The following DLG2 variants were observed in gnomAD, a reference collection of about 807,000 sequenced individuals.
DLG2 encodes the protein disks large homolog 2.
A neutral mutation model predicts 132.5 loss-of-function variants in DLG2; 45 were observed. That is an observed-to-expected ratio of 0.34 (90% CI 0.27 to 0.44). The LOEUF (loss-of-function observed/expected upper bound fraction) is 0.44. Among genes scored for constraint, DLG2 ranks in the 20% least tolerant of loss-of-function variants. The pLI, the probability that DLG2 is intolerant of heterozygous loss-of-function variation, is 1.00. For synonymous variants in DLG2, 424 were observed against 419.6 expected (o/e 1.01, Z -0.13); for missense variants, 1,045 against 1,196.9 (o/e 0.87, Z 1.87).
chr11:84,579,013 C>A (rs1346853012), intron 6 of DLG2, among the ~76,000 whole-genome samples: 1 of 152,270 alleles, frequency 6.6e-6, no homozygotes, highest in East Asian at 1.9e-4. Flanking sequence ...TTACTTCTTT[C>A]CCATTTTTCT....
At chr11:84,328,370 A>G (rs2098443156) in intron 7 of DLG2, among the ~76,000 whole-genome samples, 4 of 152,126 alleles carry the variant, frequency 2.6e-5, no homozygotes, top group Non-Finnish European at 5.9e-5. Flanking sequence ...GAGGAAATAC[A>G]TCTCTTTAAA....
chr11:84,552,759 G>C (rs533158973), intron 6 of DLG2, among the ~76,000 whole-genome samples: 2 of 152,094 alleles, frequency 1.3e-5, no homozygotes, highest in African/African-American at 4.8e-5. Flanking sequence ...CCTAGTAACT[G>C]GTTTCCTTAT....
At chr11:84,902,530 C>A (rs1164870138) in intron 6 of DLG2, among the ~76,000 whole-genome samples, 1 of 152,172 alleles carries the variant, frequency 6.6e-6, no homozygotes, top group Non-Finnish European at 1.5e-5. Context: ...CACAACATCT[C>A]TCCCCACAAT....
intron 8 of DLG2, among the ~76,000 whole-genome samples, chr11:84,225,349 A>G (rs2096975965): frequency 6.6e-6 from 1 of 152,234 alleles, no homozygotes; most frequent in Non-Finnish European, 1.5e-5. Flanking sequence ...ATTCAGCTTC[A>G]TTTGACAACT....
intron 7 of DLG2, 141 bp from the exon 8 acceptor site, chr11:84,251,432 A>T (rs1360258635): frequency 2.3e-5 from 12 of 532,634 alleles, no homozygotes; most frequent in Non-Finnish European, 3.9e-5. Context: ...TTAGTAGGGT[A>T]AATAAAATGA....
chr11:85,514,470 T>C (rs1405786206), intron 3 of DLG2, among the ~76,000 whole-genome samples: 1 of 151,990 alleles, frequency 6.6e-6, no homozygotes, highest in Non-Finnish European at 1.5e-5. Context: ...TTTGACATCT[T>C]CTCTAACTTT....
chr11:85,201,678 T>C (rs2081474251), intron 4 of DLG2, among the ~76,000 whole-genome samples: 1 of 151,252 alleles, frequency 6.6e-6, no homozygotes, highest in Non-Finnish European at 1.5e-5. Flanking sequence ...TTTCCTCAAT[T>C]TGCAGAAATT....
chr11:84,422,007 C>T (rs184017853), intron 7 of DLG2, among the ~76,000 whole-genome samples: 4 of 152,294 alleles, frequency 2.6e-5, no homozygotes, highest in East Asian at 1.9e-4. Context: ...ACCTCTATAA[C>T]GCACAACTTT....
intron 7 of DLG2, among the ~76,000 whole-genome samples, chr11:84,261,722 A>T (rs2097549741): frequency 6.6e-6 from 1 of 152,060 alleles, no homozygotes; most frequent in Non-Finnish European, 1.5e-5. Flanking sequence ...CTCCACCTAC[A>T]CTCCTAACAG....
intron 3 of DLG2, among the ~76,000 whole-genome samples, chr11:85,593,424 G>C (rs2079510708): frequency 6.6e-6 from 1 of 152,164 alleles, no homozygotes; most frequent in Non-Finnish European, 1.5e-5. Flanking sequence ...AGTAGGTCTA[G>C]GGTGAGAACC....
intron 7 of DLG2, among the ~76,000 whole-genome samples, chr11:84,255,978 C>T (rs1301366936): frequency 6.6e-6 from 1 of 151,798 alleles, no homozygotes; most frequent in African/African-American, 2.4e-5. Context: ...TACAGAGAAG[C>T]AAGAAGCAAG....
intron 6 of DLG2, among the ~76,000 whole-genome samples, chr11:84,983,273 G>C (rs1189287275): frequency 2.0e-5 from 3 of 152,082 alleles, no homozygotes; most frequent in Non-Finnish European, 2.9e-5. Context: ...TACTGTGCTG[G>C]TATCCATGGC....
chr11:83,580,804 CCCT>C, intron 19 of DLG2, among the ~76,000 whole-genome samples: 2 of 134,160 alleles, frequency 1.5e-5, no homozygotes, highest in African/African-American at 5.7e-5. Context: ...TCCCTCCCTC[CCCT>C]GCCCCGCCAG....
chr11:83,527,549 A>C (rs888820761), intron 21 of DLG2, among the ~76,000 whole-genome samples: 1 of 150,692 alleles, frequency 6.6e-6, no homozygotes, highest in South Asian at 2.1e-4. Flanking sequence ...TGTCTCTACA[A>C]TTTTTTTTTT....
chr11:84,308,403 G>A (rs2098250053), intron 7 of DLG2, among the ~76,000 whole-genome samples: 1 of 152,186 alleles, frequency 6.6e-6, no homozygotes, highest in African/African-American at 2.4e-5. Context: ...TAGATACATA[G>A]TGCCCATTGG....
chr11:83,930,628 C>T, intron 14 of DLG2, 145 bp from the exon 15 acceptor site: 1 of 821,408 alleles, frequency 1.2e-6, no homozygotes. Context: ...CAATTTTCCA[C>T]TTGTAACTTT....
intron 8 of DLG2, among the ~76,000 whole-genome samples, chr11:84,197,036 C>CAAAA (rs60877284): frequency 3.6e-3 from 317 of 87,550 alleles, no homozygotes; most frequent in South Asian, 4.6e-3. Context: ...GACTCTTTCT[C>CAAAA]AAAAAAAAAA....
intron 6 of DLG2, among the ~76,000 whole-genome samples, chr11:85,100,305 GA>G (rs1449319665): frequency 1.3e-5 from 2 of 151,966 alleles, no homozygotes; most frequent in Non-Finnish European, 2.9e-5. Context: ...AAATTAACAT[GA>G]ATTGAGCACC....
intron 7 of DLG2, among the ~76,000 whole-genome samples, chr11:84,289,152 C>T (rs376275311): frequency 6.6e-6 from 1 of 152,026 alleles, no homozygotes; most frequent in South Asian, 2.1e-4. Context: ...AGTTTCTAAT[C>T]ATTATATCTA....
Sources: allele counts gnomAD v4.1 joint callset (sites outside exome capture counted in the v4.1 genomes callset), GRCh38; gene constraint gnomAD v4.1.1; transcripts MANE v1.5; gene names NCBI Gene and HGNC (gene_info 2026-07-23, HGNC 2026-07-21).